KRTCAP3: variants seen among roughly 807,000 people sequenced by gnomAD.
The protein encoded by KRTCAP3 is keratinocyte associated protein 3.
Under a neutral mutation model 20.5 loss-of-function variants are expected in KRTCAP3, and 18 were observed. That is an observed-to-expected ratio of 0.88 (90% CI 0.61 to 1.31). The LOEUF (loss-of-function observed/expected upper bound fraction) is 1.31. KRTCAP3 is among the 50% of genes most tolerant of loss of function. KRTCAP3 has a pLI of 0.00. For missense variants in KRTCAP3, 347 were observed against 310.4 expected (o/e 1.12, Z -0.89); for synonymous variants, 167 against 133.7 (o/e 1.25, Z -1.72).
At chr2:27,444,757 C>G (rs1037374820), downstream of KRTCAP3, among the ~76,000 whole-genome samples, 2 of 152,180 alleles carry the variant, frequency 1.3e-5, no homozygotes, top group Non-Finnish European at 2.9e-5. Flanking sequence ...AAGCGATTCT[C>G]CTGCCTCAGC....
rs187699375 is a variant in KRTCAP3 at position 27,444,031 on chromosome 2, G to A, written c.698G>A (p.Arg233Gln). 6.9e-5 allele frequency: 111 copies of A among 1,613,290 alleles called. No individual in the cohort carries two copies. Among genetic ancestry groups the A allele is most frequent in the African/African-American group, 4.7e-4 (35 of 75,014 alleles). The change falls in exon 6 of 7, where the codon CGG (arginine) becomes CAG (glutamine). Residue 233 changes from arginine to glutamine, a missense_variant. By Grantham distance (43) the Arg-to-Gln change is conservative. Transcript: ENST00000288873. Reference sequence around the variant, plus strand: ...CTACTGGATCAAAATCAAGAAATCCGGGCATCACAGAGAAGTTGGGTTTAG... The same window carrying A: ...CTACTGGATCAAAATCAAGAAATCCAGGCATCACAGAGAAGTTGGGTTTAG... ...EQLLDQNQEI[R>Q]ASQRSWV is the part of the protein sequence containing the mutation.
downstream of KRTCAP3, chr2:27,446,083 G>T: frequency 6.7e-7 from 1 of 1,485,568 alleles, no homozygotes; most frequent in South Asian, 1.1e-5. Context: ...AGCAAGCTGG[G>T]CTTGAATGCT....
downstream of KRTCAP3, among the ~76,000 whole-genome samples, chr2:27,444,809 G>A (rs865894977): frequency 9.2e-5 from 14 of 152,166 alleles, no homozygotes; most frequent in Admixed American, 3.9e-4. Flanking sequence ...CACCAGACCC[G>A]GCTAACTTTT....
Position 27,442,698 on chromosome 2 carries a change from C to A in KRTCAP3, c.148C>A (p.Pro50Thr), listed in dbSNP as rs528795249. 3.8e-6 allele frequency: 6 copies of A among 1,588,984 alleles called. No homozygotes were observed. Among genetic ancestry groups the A allele is most frequent in the Admixed American group, 3.5e-5 (2 of 57,032 alleles). ...CACCGTCCTGCGGCACGTGGCCAATCCCCGCGGCGCTGTCACGCCGGAGTA... is the reference window on the plus strand; with the variant it reads ...CACCGTCCTGCGGCACGTGGCCAATACCCGCGGCGCTGTCACGCCGGAGTA... ...HGTVLRHVANPRGAVTPEYTV... is the reference protein window; with the variant it reads ...HGTVLRHVANTRGAVTPEYTV... The change falls in exon 2 of 7, where the codon CCC (proline) becomes ACC (threonine). Residue 50 changes from proline (P) to threonine (T), a missense_variant. Pro to Thr is a conservative substitution (Grantham distance 38, BLOSUM62 -1). Coordinates refer to ENST00000288873, the MANE Select transcript of KRTCAP3 (RefSeq NM_173853.4).
downstream of KRTCAP3, chr2:27,446,248 G>A: frequency 6.2e-7 from 1 of 1,612,836 alleles, no homozygotes; most frequent in Non-Finnish European, 8.5e-7. Flanking sequence ...ACCCTTCCTT[G>A]TCCCAGCTCA....
downstream of KRTCAP3, chr2:27,446,338 C>G (rs777980611): frequency 4.3e-6 from 7 of 1,614,092 alleles, no homozygotes; most frequent in Admixed American, 1.2e-4. Context: ...AAACAGAAAG[C>G]CTGGCAGCCA....
At chr2:27,445,323 C>T (rs763335302), downstream of KRTCAP3, 3 of 1,613,068 alleles carry the variant, frequency 1.9e-6, no homozygotes, top group Non-Finnish European at 2.5e-6. This position sits in a 1 kb window ranked among gnomAD's most constrained non-coding sequence, Gnocchi z 4.4. Context: ...AGGGCTCGAA[C>T]ACCAGTGCTC....
chr2:27,444,610 C>G, downstream of KRTCAP3: 1 of 964,302 alleles, frequency 1.0e-6, no homozygotes, highest in Non-Finnish European at 1.6e-6. Flanking sequence ...TCTGCATCTG[C>G]CTTCCTGTAA....
At chr2:27,443,558 C>A in intron 5 of KRTCAP3, 26 bp downstream of exon 5, 1 of 1,613,142 alleles carries the variant, frequency 6.2e-7, no homozygotes, top group South Asian at 1.1e-5. Context: ...AGGAAGGGTT[C>A]ATTCCACAGA....
downstream of KRTCAP3, chr2:27,445,509 T>A: frequency 6.5e-7 from 1 of 1,550,248 alleles, no homozygotes; most frequent in Non-Finnish European, 8.8e-7. The surrounding 1 kb of genome is among the most constrained non-coding windows in gnomAD (Gnocchi z 4.4). Flanking sequence ...CAAGTTGGGG[T>A]GGATGGGTGA....
chr2:27,444,097 C>CG, intron 6 of KRTCAP3, 36 bp downstream of exon 6: 1 of 1,233,852 alleles, frequency 8.1e-7, no homozygotes, highest in East Asian at 2.3e-5. Flanking sequence ...CGGGTAAGAG[C>CG]GGGGACAAGG....
rs1553319451 is a variant in KRTCAP3, at chr2:27,442,883, CCTT to C, written c.260_262del (p.Leu87del). On this transcript the variant is annotated inframe_deletion, in exon 3 of 7. Transcript: ENST00000288873. ...TTGTGGCCCTCCTGGCGTCCAGGAACCTTCTTCGCCCTCCACTGGTGAGAGGGA... is the reference window on the plus strand; with the variant it reads ...TTGTGGCCCTCCTGGCGTCCAGGAACCTTCGCCCTCCACTGGTGAGAGGGA... 23 of 1,613,062 alleles carry C rather than the reference CCTT, an allele frequency of 1.4e-5. No individual in the cohort carries two copies. The highest frequency in any genetic ancestry group is 1.9e-5 in the Non-Finnish European group (22 of 1,180,032).
At chr2:27,443,867 C>T in intron 5 of KRTCAP3, 82 bp from the exon 6 acceptor site, 1 of 833,328 alleles carries the variant, frequency 1.2e-6, no homozygotes, top group African/African-American at 1.7e-5. Flanking sequence ...CAGAGTGAGG[C>T]TCCGTCACAA....
At chr2:27,442,469 C>T (rs1323074383) in intron 1 of KRTCAP3, 29 bp downstream of exon 1, 1 of 1,562,658 alleles carries the variant, frequency 6.4e-7, no homozygotes, top group East Asian at 2.4e-5. Flanking sequence ...CGTCTCGTCT[C>T]CTTACCCTGG....
At chr2:27,442,553 AC>A in intron 1 of KRTCAP3, 25 bp from the exon 2 acceptor site, 1 of 1,533,314 alleles carries the variant, frequency 6.5e-7, no homozygotes, top group East Asian at 2.4e-5. Flanking sequence ...GCCCGACTCA[AC>A]CCTGCCCTCC....
rs1178574945 is a variant in KRTCAP3, at chr2:27,442,625, G to C, written c.75G>C (p.Leu25=). The C allele has an allele frequency of 1.9e-6, 3 of 1,571,498 alleles. No individual in the cohort carries two copies. The East Asian group carries it at 6.8e-5, about 35-fold the overall frequency. The change falls in exon 2 of 7, where the codon CTG becomes CTC. Residue 25 remains leucine, a synonymous_variant. Coordinates refer to ENST00000288873, the MANE Select transcript of KRTCAP3 (RefSeq NM_173853.4). ...PRRLMRVGLA[L]ILVGHVNLLL... Reference sequence around the variant, plus strand: ...GGCTGATGCGTGTGGGCCTCGCGCTGATCTTGGTGGGCCACGTGAACCTGC... The same window carrying C: ...GGCTGATGCGTGTGGGCCTCGCGCTCATCTTGGTGGGCCACGTGAACCTGC...
chr2:27,445,906 C>CG (rs748832823), downstream of KRTCAP3: 1 of 1,614,176 alleles, frequency 6.2e-7, no homozygotes, highest in East Asian at 2.2e-5. The surrounding 1 kb of genome is among the most constrained non-coding windows in gnomAD (Gnocchi z 4.4). Context: ...CCTCCACCCT[C>CG]GGGGCACAGC....
Position 27,443,293 on chromosome 2 carries a change from T to G in KRTCAP3, c.480+13T>G. On this transcript the variant is annotated intron_variant, in intron 4 of 6. Coordinates refer to ENST00000288873, the MANE Select transcript of KRTCAP3 (RefSeq NM_173853.4). ...CACAAGAATCTATGTGAGCACATTC[T>G]CTTCCTTCTTGTGGTCTACAAAGCC... The G allele has an allele frequency of 6.2e-7, 1 of 1,613,876 alleles. No homozygotes were observed. The highest frequency in any genetic ancestry group is 8.5e-7 in the Non-Finnish European group (1 of 1,179,718).
At chr2:27,445,678 GAT>G, downstream of KRTCAP3, 2 of 1,566,702 alleles carry the variant, frequency 1.3e-6, no homozygotes, top group Non-Finnish European at 8.8e-7. The surrounding 1 kb of genome is among the most constrained non-coding windows in gnomAD (Gnocchi z 4.4). Context: ...GCAGCACAAA[GAT>G]ATTCTCCCTC....
Sources: allele counts gnomAD v4.1 joint callset (sites outside exome capture counted in the v4.1 genomes callset), GRCh38; gene constraint gnomAD v4.1.1; non-coding constraint Gnocchi (gnomAD v3.1); transcripts MANE v1.5; gene names NCBI Gene and HGNC (gene_info 2026-07-23, HGNC 2026-07-21).